Variants in RGS20 observed in about 807,000 individuals in gnomAD.
RGS20 encodes the protein regulator of G protein signaling 20.
RGS20 carries 30 observed loss-of-function variants against 33.6 expected under a neutral mutation model. The observed-to-expected ratio is 0.89, with a 90% confidence interval of 0.67 to 1.21. The LOEUF (loss-of-function observed/expected upper bound fraction) is 1.21, where lower values mean the gene tolerates loss of function less well. Among genes scored for constraint, RGS20 ranks in the 50% most tolerant of loss-of-function variants. The pLI, the probability that RGS20 is intolerant of heterozygous loss-of-function variation, is 0.00. For missense variants in RGS20, 472 were observed against 502.4 expected (o/e 0.94, Z 0.58); for synonymous variants, 208 against 197.9 (o/e 1.05, Z -0.43).
chr8:53,888,203 A>T (rs1812603382), intron 2 of RGS20, among the ~76,000 whole-genome samples: 1 of 152,164 alleles, frequency 6.6e-6, no homozygotes, highest in Admixed American at 6.6e-5. Flanking sequence ...ATTCTTCCTG[A>T]CCTACTATAA....
chr8:53,895,085 G>A lies in RGS20; in HGVS notation c.510+15483G>A, dbSNP rs530144287. 1.8e-3 allele frequency among the ~76,000 whole-genome samples: 267 copies of A among 152,268 alleles called. 5 individuals carry two copies. The South Asian group carries it at 0.022, about 13-fold the overall frequency. On this transcript the variant is annotated intron_variant, in intron 2 of 5. Transcript: ENST00000297313. Reference sequence around the variant, plus strand: ...AGCCATCGAGACAAGAGATGGGGCCGCCAGCCTAGGAGAAGTAGCGGGGAT... The same window carrying A: ...AGCCATCGAGACAAGAGATGGGGCCACCAGCCTAGGAGAAGTAGCGGGGAT...
rs904570633 is a variant in RGS20, at chr8:53,877,800, C to G, written c.166-1458C>G. Among the ~76,000 whole-genome samples the G allele has an allele frequency of 4.6e-5, 7 of 152,218 alleles. No homozygotes were observed. The highest frequency in any genetic ancestry group is 8.8e-5 in the Non-Finnish European group (6 of 68,038). ...CAGGAGCAAACAAACGACAGCAAGA[C>G]AAATCAGCCACCGCACTCGCGGCTT... On this transcript the variant is annotated intron_variant, in intron 1 of 5. Transcript: ENST00000297313. This position sits in a 1 kb window ranked among gnomAD's most constrained non-coding sequence, Gnocchi z 5.7.
intron 2 of RGS20, among the ~76,000 whole-genome samples, chr8:53,922,491 C>T (rs1007839857): frequency 2.6e-5 from 4 of 152,128 alleles, no homozygotes; most frequent in African/African-American, 9.7e-5. Flanking sequence ...TTAATCTGCA[C>T]ACTTTTCACA....
intron 2 of RGS20, among the ~76,000 whole-genome samples, chr8:53,886,168 G>A (rs1812542199): frequency 6.6e-6 from 1 of 152,204 alleles, no homozygotes; most frequent in South Asian, 2.1e-4. Context: ...GGGAGTCACT[G>A]ACTACACGGC....
intron 2 of RGS20, among the ~76,000 whole-genome samples, chr8:53,933,976 T>A (rs1180300763): frequency 6.6e-6 from 1 of 152,144 alleles, no homozygotes; most frequent in Non-Finnish European, 1.5e-5. Flanking sequence ...AGAAAAGAAT[T>A]TTCAACCCAG....
At chr8:53,899,138 C>G (rs937396059) in intron 2 of RGS20, among the ~76,000 whole-genome samples, 2 of 152,236 alleles carry the variant, frequency 1.3e-5, no homozygotes, top group Non-Finnish European at 2.9e-5. Context: ...TGTCTGTCCT[C>G]CTGGCACCAC....
chr8:53,878,977 G>A (rs1275323665), intron 1 of RGS20, among the ~76,000 whole-genome samples: 1 of 152,162 alleles, frequency 6.6e-6, no homozygotes, highest in Non-Finnish European at 1.5e-5. Context: ...TGCAGATTCC[G>A]ATGCATTGGC....
chr8:53,905,885 G>C (rs549973100), intron 2 of RGS20, among the ~76,000 whole-genome samples: 1 of 152,288 alleles, frequency 6.6e-6, no homozygotes, highest in East Asian at 1.9e-4. Flanking sequence ...GGTTCTGGAA[G>C]CCTAGAGCCC....
chr8:53,881,737 A>C (rs944519591), intron 2 of RGS20, among the ~76,000 whole-genome samples: 1 of 152,154 alleles, frequency 6.6e-6, no homozygotes, highest in Non-Finnish European at 1.5e-5. Flanking sequence ...TGAACAGAGA[A>C]GTGCCCTCCA....
At chr8:53,899,053 A>T (rs957638162) in intron 2 of RGS20, among the ~76,000 whole-genome samples, 2 of 152,166 alleles carry the variant, frequency 1.3e-5, no homozygotes, top group Non-Finnish European at 2.9e-5. Flanking sequence ...CCCAGCTGTG[A>T]TGTGTTAACA....
chr8:53,951,748 G>A (rs917235085), intron 4 of RGS20, among the ~76,000 whole-genome samples: 19 of 152,022 alleles, frequency 1.2e-4, no homozygotes, highest in African/African-American at 4.6e-4. Context: ...CGAGCACTGC[G>A]GCACACGCCT....
chr8:53,869,991 G>A (rs1023757268), intron 1 of RGS20, among the ~76,000 whole-genome samples: 1 of 152,166 alleles, frequency 6.6e-6, no homozygotes, highest in African/African-American at 2.4e-5. Flanking sequence ...TTTTGTGTCA[G>A]CTTACCCAGA....
rs898046439 is a variant in RGS20, at chr8:53,879,770, T to G, written c.510+168T>G. ...CTGGGCAAGTCCTAGGACGGGACATTGGCGGCTCCCGGGACACCGCCCCTC... is the reference window on the plus strand; with the variant it reads ...CTGGGCAAGTCCTAGGACGGGACATGGGCGGCTCCCGGGACACCGCCCCTC... On this transcript the variant is annotated intron_variant, in intron 2 of 5. Coordinates refer to ENST00000297313, the MANE Select transcript of RGS20 (RefSeq NM_170587.4). 7.5e-6 allele frequency: 4 copies of G among 534,312 alleles called. No homozygotes were observed. In the South Asian group the frequency reaches 1.6e-4, roughly 22 times the overall value. 33.1% of individuals were successfully genotyped at this position (534,312 alleles called of 1,614,324 possible).
At chr8:53,869,910 C>G (rs1198250609) in intron 1 of RGS20, among the ~76,000 whole-genome samples, 1 of 152,004 alleles carries the variant, frequency 6.6e-6, no homozygotes, top group East Asian at 1.9e-4. Flanking sequence ...GGAGGGTTCT[C>G]CTTTGCAATG....
intron 1 of RGS20, among the ~76,000 whole-genome samples, chr8:53,874,266 TTGAGA>T (rs1812143008): frequency 6.6e-6 from 1 of 152,016 alleles, no homozygotes; most frequent in Non-Finnish European, 1.5e-5. Flanking sequence ...GGCTTCGGTG[TTGAGA>T]TGAGACTATG....
intron 2 of RGS20, among the ~76,000 whole-genome samples, chr8:53,892,308 G>T (rs928729086): frequency 1.3e-5 from 2 of 152,146 alleles, no homozygotes; most frequent in African/African-American, 4.8e-5. Context: ...CATTTGGGTT[G>T]GTTCCAAGTC....
intron 1 of RGS20, among the ~76,000 whole-genome samples, chr8:53,870,108 A>G (rs11990964): frequency 0.04 from 6,114 of 152,312 alleles, 364 homozygotes; most frequent in African/African-American, 0.13. Flanking sequence ...ACAACAATAT[A>G]AAGAATAAAA....
Position 53,887,844 on chromosome 8 carries a change from G to A in RGS20, c.510+8242G>A, listed in dbSNP as rs370825503. Among the ~76,000 whole-genome samples the A allele has an allele frequency of 1.3e-4, 20 of 152,092 alleles. No individual in the cohort carries two copies. The East Asian group carries it at 3.5e-3, about 26-fold the overall frequency. On this transcript the variant is annotated intron_variant, in intron 2 of 5. Transcript: ENST00000297313. ...ATGCAAAAAATTAGCTGGGTGTGGTGGTGCACACCTGTAGTCCCAGCTACT... is the reference window on the plus strand; with the variant it reads ...ATGCAAAAAATTAGCTGGGTGTGGTAGTGCACACCTGTAGTCCCAGCTACT...
Position 53,939,687 on chromosome 8 carries a change from T to A in RGS20, c.622T>A (p.Cys208Ser). Residue 208 changes from cysteine (C) to serine (S), a missense_variant, in exon 3 of 6, where the codon TGC becomes AGC. By Grantham distance (112) the Cys-to-Ser change is moderately radical. Transcript: ENST00000297313. ...AGCGGGGAGTCGCGGGTCCAACGCA[T>A]GCTGCTTCTGCTGGTGCTGCTGTTG... 6.4e-7 allele frequency: 1 copy of A among 1,567,594 alleles called. No individual in the cohort carries two copies. The highest frequency in any genetic ancestry group is 8.7e-7 in the Non-Finnish European group (1 of 1,155,848).
Sources: gnomAD v4.1 joint callset for allele counts (sites outside exome capture counted in the v4.1 genomes callset) on GRCh38, gnomAD v4.1.1 for gene constraint, Gnocchi (gnomAD v3.1) non-coding constraint, MANE v1.5 for transcripts, NCBI Gene and HGNC (gene_info 2026-07-23, HGNC 2026-07-21) for gene names.